CSMD1: variants seen among roughly 807,000 people sequenced by gnomAD.
CSMD1 encodes the protein CUB and Sushi multiple domains 1.
Under a neutral mutation model 417.5 loss-of-function variants are expected in CSMD1, and 213 were observed. The ratio of observed to expected loss-of-function variants is 0.51; its 90% CI spans 0.46 to 0.57. The LOEUF (loss-of-function observed/expected upper bound fraction) is 0.57, where lower values mean the gene tolerates loss of function less well. Ranked by LOEUF, CSMD1 falls within the 20% of genes least tolerant of loss-of-function variation. The pLI, the probability that CSMD1 is intolerant of heterozygous loss-of-function variation, is 0.00. For synonymous variants in CSMD1, 2,862 were observed against 1,736.8 expected (o/e 1.65, Z -16.11); for missense variants, 6,923 against 4,529.7 (o/e 1.53, Z -15.17).
At chr8:4,682,722 T>C (rs1204167113) in intron 1 of CSMD1, among the ~76,000 whole-genome samples, 1 of 151,734 alleles carries the variant, frequency 6.6e-6, no homozygotes, top group African/African-American at 2.4e-5. Flanking sequence ...CTATATTATT[T>C]GTCCAATATT....
chr8:3,293,037 C>T (rs928693541), intron 25 of CSMD1, among the ~76,000 whole-genome samples: 1 of 151,990 alleles, frequency 6.6e-6, no homozygotes, highest in Admixed American at 6.6e-5. Context: ...GACAAAATCT[C>T]TCAGCATTTG....
chr8:4,043,586 G>C (rs1321456148), intron 3 of CSMD1, among the ~76,000 whole-genome samples: 1 of 152,198 alleles, frequency 6.6e-6, no homozygotes, highest in Non-Finnish European at 1.5e-5. Flanking sequence ...CCTTGAGGGG[G>C]AAATCAATGT....
chr8:3,951,077 T>C (rs945705446), intron 5 of CSMD1, among the ~76,000 whole-genome samples: 1 of 152,210 alleles, frequency 6.6e-6, no homozygotes, highest in African/African-American at 2.4e-5. Flanking sequence ...AAATAATACT[T>C]GAATTTTATA....
In CSMD1 at chr8:3,219,453, G is replaced by C. The variant is rs372741744; in HGVS notation, c.4485-11C>G. 4.8e-6 allele frequency: 7 copies of C among 1,451,720 alleles called. No individual in the cohort carries two copies. In the African/African-American group the frequency reaches 8.7e-5, roughly 18 times the overall value. 89.9% of individuals were successfully genotyped at this position (1,451,720 alleles called of 1,614,324 possible). A position where few individuals can be genotyped will look rare whatever the true frequency, so the allele number is the denominator to read the frequency against. ...GGCTCCATGTTGAAACTAAAGAAAA[G>C]AATAGTAATTATGTCATACGGCTAA... On this transcript the variant is annotated splice_polypyrimidine_tract_variant and intron_variant, in intron 28 of 69. Transcript: ENST00000635120.
At chr8:3,951,801 G>A (rs1005906011) in intron 5 of CSMD1, among the ~76,000 whole-genome samples, 1 of 151,970 alleles carries the variant, frequency 6.6e-6, no homozygotes, top group African/African-American at 2.4e-5. Context: ...TAGTGAGCTG[G>A]CAAAGAAGTG....
At chr8:3,879,731 A>G (rs1806077025) in intron 5 of CSMD1, among the ~76,000 whole-genome samples, 1 of 152,020 alleles carries the variant, frequency 6.6e-6, no homozygotes, top group Admixed American at 6.6e-5. Flanking sequence ...ACATAGAAAA[A>G]GTGTTGCATG....
chr8:3,564,339 C>A (rs553031239), intron 10 of CSMD1, among the ~76,000 whole-genome samples: 2 of 145,548 alleles, frequency 1.4e-5, no homozygotes, highest in African/African-American at 5.2e-5. Flanking sequence ...AATGTTTTGT[C>A]GTCCTCAGTG....
intron 52 of CSMD1, among the ~76,000 whole-genome samples, chr8:3,010,158 C>T (rs1377347249): frequency 6.6e-6 from 1 of 152,150 alleles, no homozygotes; most frequent in Non-Finnish European, 1.5e-5. Context: ...GGAAGAGCTG[C>T]CCATTCATAC....
chr8:3,304,415 G>C (rs938040863), intron 25 of CSMD1, among the ~76,000 whole-genome samples: 10 of 151,994 alleles, frequency 6.6e-5, no homozygotes, highest in African/African-American at 2.2e-4. Context: ...AGTATATTAT[G>C]TACTTCTAAT....
At chr8:4,663,945 G>A (rs1350863744) in intron 1 of CSMD1, among the ~76,000 whole-genome samples, 1 of 152,138 alleles carries the variant, frequency 6.6e-6, no homozygotes, top group African/African-American at 2.4e-5. Context: ...GATGGAAATT[G>A]GAAAGCTAAT....
intron 30 of CSMD1, among the ~76,000 whole-genome samples, chr8:3,208,910 A>G (rs1310117802): frequency 6.6e-6 from 1 of 152,168 alleles, no homozygotes; most frequent in African/African-American, 2.4e-5. Context: ...TGCAGACAGC[A>G]TATTGTGGGA....
chr8:4,534,187 C>T (rs1220145982), intron 2 of CSMD1, among the ~76,000 whole-genome samples: 1 of 152,148 alleles, frequency 6.6e-6, no homozygotes, highest in African/African-American at 2.4e-5. Context: ...CGCTAGGGAG[C>T]ACAATTTAAT....
chr8:4,044,895 T>A (rs771771808), intron 3 of CSMD1, among the ~76,000 whole-genome samples: 1 of 152,054 alleles, frequency 6.6e-6, no homozygotes, highest in Non-Finnish European at 1.5e-5. Context: ...AGGCCCAGAC[T>A]GACTTCTCCC....
intron 7 of CSMD1, among the ~76,000 whole-genome samples, chr8:3,676,958 A>G (rs1481367214): frequency 2.6e-5 from 4 of 152,042 alleles, no homozygotes; most frequent in African/African-American, 9.6e-5. Flanking sequence ...AACAATGACA[A>G]CACAAGGACA....
At chr8:4,138,768 T>C (rs1362161304) in intron 3 of CSMD1, among the ~76,000 whole-genome samples, 11 of 152,238 alleles carry the variant, frequency 7.2e-5, no homozygotes, top group Non-Finnish European at 1.3e-4. Flanking sequence ...TATCTTTAAT[T>C]ATCAGAATAC....
chr8:3,556,490 A>T (rs926915931), intron 10 of CSMD1, among the ~76,000 whole-genome samples: 2 of 145,574 alleles, frequency 1.4e-5, no homozygotes, highest in Admixed American at 7.0e-5. Context: ...AAATTATCAA[A>T]CAAAATACAA....
chr8:4,189,682 C>T lies in CSMD1; in HGVS notation c.416-157583G>A, dbSNP rs569233162. 1.7e-3 allele frequency among the ~76,000 whole-genome samples: 253 copies of T among 152,090 alleles called. 1 individual carries two copies. The highest frequency in any genetic ancestry group is 5.8e-3 in the African/African-American group (241 of 41,500). ...TTATTTATCATGGAATGCATTTGAA[C>T]GGAAAGAGTGTTGAGAATTAATTTT... On this transcript the variant is annotated intron_variant, in intron 3 of 69. Coordinates refer to ENST00000635120, the MANE Select transcript of CSMD1 (RefSeq NM_033225.6).
At chr8:3,408,602 G>A (rs1421321724) in intron 13 of CSMD1, among the ~76,000 whole-genome samples, 4 of 151,988 alleles carry the variant, frequency 2.6e-5, no homozygotes, top group African/African-American at 4.8e-5. Flanking sequence ...AATTCAGCCT[G>A]CTCTTTCATA....
chr8:4,839,428 C>G (rs1264393666), intron 1 of CSMD1, among the ~76,000 whole-genome samples: 1 of 152,070 alleles, frequency 6.6e-6, no homozygotes, highest in Admixed American at 6.5e-5. Context: ...CTTTGTATTT[C>G]TAGTTCTGAA....
Sources: gnomAD v4.1 joint callset for allele counts (sites outside exome capture counted in the v4.1 genomes callset) on GRCh38, gnomAD v4.1.1 for gene constraint, MANE v1.5 for transcripts, NCBI Gene and HGNC (gene_info 2026-07-23, HGNC 2026-07-21) for gene names.